The following HAPLN1 variants were observed in gnomAD, a reference collection of about 807,000 sequenced individuals.
The protein encoded by HAPLN1 is Cartilage link protein.
A neutral mutation model predicts 36.5 loss-of-function variants in HAPLN1; 13 were observed. The observed-to-expected ratio is 0.36, with a 90% CI of 0.23 to 0.57. The LOEUF is 0.57. Ranked by LOEUF, HAPLN1 falls within the 20% of genes least tolerant of loss-of-function variation. HAPLN1 has a pLI of 0.83. For synonymous variants in HAPLN1, 202 were observed against 169.8 expected, an observed-to-expected ratio of 1.19 and a Z score of -1.48; for missense variants, 407 against 439.7, an observed-to-expected ratio of 0.93 and a Z score of 0.66.
At chr5:83,690,817 T>C (rs546217948) in intron 1 of HAPLN1, among the ~76,000 whole-genome samples, 1 of 152,050 alleles carries the variant, frequency 6.6e-6, no homozygotes, top group Non-Finnish European at 1.5e-5. Flanking sequence ...CCAAATCTAG[T>C]CCTTTAATAC....
At chr5:83,714,208 G>A (rs1751862370) in intron 1 of HAPLN1, among the ~76,000 whole-genome samples, 1 of 152,002 alleles carries the variant, frequency 6.6e-6, no homozygotes, top group African/African-American at 2.4e-5. Context: ...CTCTCCTCTA[G>A]GCTACTGGAA....
chr5:83,683,699 G>T (rs1337056706), intron 1 of HAPLN1, among the ~76,000 whole-genome samples: 1 of 152,136 alleles, frequency 6.6e-6, no homozygotes, highest in Admixed American at 6.6e-5. Context: ...TCTTCAAAAA[G>T]GAACTGCTAT....
At chr5:83,705,274 C>A (rs1751612766) in intron 1 of HAPLN1, among the ~76,000 whole-genome samples, 1 of 151,396 alleles carries the variant, frequency 6.6e-6, no homozygotes. Flanking sequence ...CCTGTAATCC[C>A]AGCTACTCAG....
chr5:83,658,674 C>T (rs1290585338), intron 2 of HAPLN1, among the ~76,000 whole-genome samples: 1 of 152,128 alleles, frequency 6.6e-6, no homozygotes, highest in African/African-American at 2.4e-5. Flanking sequence ...TCTAATTTCT[C>T]CTGAAACTGC....
intron 4 of HAPLN1, among the ~76,000 whole-genome samples, chr5:83,643,574 A>G (rs1171915061): frequency 6.6e-6 from 1 of 152,014 alleles, no homozygotes; most frequent in Non-Finnish European, 1.5e-5. Flanking sequence ...AACAGTTTTG[A>G]ACAAGGAGCT....
intron 1 of HAPLN1, among the ~76,000 whole-genome samples, chr5:83,706,103 C>CA (rs771717902): frequency 0.035 from 3,255 of 92,066 alleles, 181 homozygotes; most frequent in African/African-American, 0.098. Flanking sequence ...GCCTACCAAT[C>CA]GAAAAAAAAA....
intron 1 of HAPLN1, among the ~76,000 whole-genome samples, chr5:83,685,318 C>T (rs1175347140): frequency 6.6e-6 from 1 of 152,184 alleles, no homozygotes; most frequent in East Asian, 1.9e-4. Flanking sequence ...GCCTCTGTGG[C>T]TTTGCACTGC....
intron 1 of HAPLN1, among the ~76,000 whole-genome samples, chr5:83,697,750 T>A (rs1580158238): frequency 6.6e-6 from 1 of 152,152 alleles, no homozygotes; most frequent in Non-Finnish European, 1.5e-5. Flanking sequence ...TGAAGTGATA[T>A]CTCATTAGGG....
At chr5:83,711,495 T>C (rs746644780) in intron 1 of HAPLN1, among the ~76,000 whole-genome samples, 14 of 152,076 alleles carry the variant, frequency 9.2e-5, no homozygotes, top group Non-Finnish European at 1.8e-4. Context: ...TGGAGAACGC[T>C]GGCAAGCATG....
At chr5:83,707,925 A>G (rs1449326592) in intron 1 of HAPLN1, among the ~76,000 whole-genome samples, 1 of 152,242 alleles carries the variant, frequency 6.6e-6, no homozygotes, top group African/African-American at 2.4e-5. Flanking sequence ...AATTTTCCGA[A>G]GAAGGCATAC....
chr5:83,709,362 G>A (rs990609254), intron 1 of HAPLN1, among the ~76,000 whole-genome samples: 1 of 152,150 alleles, frequency 6.6e-6, no homozygotes, highest in African/African-American at 2.4e-5. Flanking sequence ...TAAAGCCTAT[G>A]TCTGAAAAGC....
At chr5:83,712,635 G>A (rs1367013457) in intron 1 of HAPLN1, among the ~76,000 whole-genome samples, 2 of 151,846 alleles carry the variant, frequency 1.3e-5, no homozygotes, top group South Asian at 4.1e-4. Context: ...AGAGTGTTCA[G>A]AAATTTCATG....
chr5:83,661,846 A>AT (rs112283331), intron 2 of HAPLN1, among the ~76,000 whole-genome samples: 1 of 152,120 alleles, frequency 6.6e-6, no homozygotes. Flanking sequence ...AATGGGGACC[A>AT]TTTTTACCTA....
intron 1 of HAPLN1, among the ~76,000 whole-genome samples, chr5:83,702,056 G>A (rs1387029650): frequency 6.6e-6 from 1 of 152,114 alleles, no homozygotes; most frequent in African/African-American, 2.4e-5. Context: ...AAGGTTACCG[G>A]GAGGAAGTGT....
At chr5:83,686,626 A>T (rs1194986827) in intron 1 of HAPLN1, among the ~76,000 whole-genome samples, 2 of 152,172 alleles carry the variant, frequency 1.3e-5, no homozygotes, top group Non-Finnish European at 2.9e-5. Context: ...GCTGACTAAA[A>T]TTGTAATACA....
At chr5:83,674,080 A>C in intron 1 of HAPLN1, 1 of 152,854 alleles carries the variant, frequency 6.5e-6, no homozygotes, top group Non-Finnish European at 1.5e-5. Context: ...AAGAGGACCA[A>C]AAAAAAGTGC....
chr5:83,665,179 GAA>G (rs1007494593), intron 2 of HAPLN1, among the ~76,000 whole-genome samples: 2 of 149,066 alleles, frequency 1.3e-5, no homozygotes, highest in Non-Finnish European at 3.0e-5. Context: ...AAACCAAAAA[GAA>G]AAAAAAAGAG....
At chr5:83,718,729 C>T (rs1751964567) in intron 1 of HAPLN1, among the ~76,000 whole-genome samples, 1 of 152,090 alleles carries the variant, frequency 6.6e-6, no homozygotes, top group African/African-American at 2.4e-5. Context: ...AAATTATTTT[C>T]AAATTTGCCT....
In HAPLN1 at chr5:83,652,839, GAAA is replaced by G. The variant is rs760495727; in HGVS notation, c.101-18_101-16del. 6.4e-6 allele frequency: 9 copies of G among 1,414,174 alleles called. No individual in the cohort carries two copies. Among genetic ancestry groups the G allele is most frequent in the Middle Eastern group, 1.9e-4 (1 of 5,354 alleles). 87.6% of individuals were successfully genotyped at this position (1,414,174 alleles called of 1,614,324 possible). On this transcript the variant is annotated splice_polypyrimidine_tract_variant and intron_variant, in intron 2 of 4. Transcript: ENST00000274341. ...GCCATTTTCTGCTATAATTAAAAAG[GAAA>G]AAAAAAAGAAAATAACTATTAATAT...
Sources: allele counts gnomAD v4.1 joint callset (sites outside exome capture counted in the v4.1 genomes callset), GRCh38; gene constraint gnomAD v4.1.1; transcripts MANE v1.5; gene names NCBI Gene and HGNC (gene_info 2026-07-23, HGNC 2026-07-21).